SIL1: variants seen among roughly 807,000 people sequenced by gnomAD.
SIL1 encodes the protein SIL1 nucleotide exchange factor.
SIL1 carries 40 observed loss-of-function variants against 49.1 expected under a neutral mutation model. That is an observed-to-expected ratio of 0.81 (90% CI 0.63 to 1.06). SIL1 has a LOEUF of 1.06. Ranked by LOEUF, SIL1 falls within the 50% of genes least tolerant of loss-of-function variation. The pLI, the probability that SIL1 is intolerant of heterozygous loss-of-function variation, is 0.00. For synonymous variants in SIL1, 253 were observed against 250.8 expected, an observed-to-expected ratio of 1.01 and a Z score of -0.08; for missense variants, 500 against 572.6, an observed-to-expected ratio of 0.87 and a Z score of 1.29.
At chr5:139,163,950 C>G (rs1468596641) in intron 1 of SIL1, among the ~76,000 whole-genome samples, 1 of 151,916 alleles carries the variant, frequency 6.6e-6, no homozygotes, top group Non-Finnish European at 1.5e-5. Flanking sequence ...GAAACCCCGT[C>G]TCTACTAAAA....
chr5:138,990,701 T>C (rs1767736972), intron 7 of SIL1, among the ~76,000 whole-genome samples: 1 of 152,210 alleles, frequency 6.6e-6, no homozygotes, highest in African/African-American at 2.4e-5. Flanking sequence ...GTGCTAGGAT[T>C]AGAGGCATGA....
intron 1 of SIL1, among the ~76,000 whole-genome samples, chr5:139,157,768 G>A (rs1751432322): frequency 6.6e-6 from 1 of 152,208 alleles, no homozygotes; most frequent in African/African-American, 2.4e-5. Flanking sequence ...AGAGGAGCCA[G>A]TAGAACCAGT....
chr5:139,041,878 A>C (rs1769056711), intron 5 of SIL1, among the ~76,000 whole-genome samples: 1 of 152,012 alleles, frequency 6.6e-6, no homozygotes, highest in Non-Finnish European at 1.5e-5. Flanking sequence ...GGGAGGGAGA[A>C]CTTAGGTCTC....
rs115827512 is a variant in SIL1, at chr5:139,081,092, C to A, written c.245-30046G>T. On this transcript the variant is annotated intron_variant, in intron 3 of 9. Transcript: ENST00000394817. ...GCAATATGGCGTCAATGTTGATCCA[C>A]GTGATAAATTCCTGTCCTACGACAG... is the stretch of plus-strand genomic sequence containing the variant. Among the ~76,000 whole-genome samples the A allele has an allele frequency of 8.7e-4, 132 of 152,266 alleles. 1 individual carries two copies. The highest frequency in any genetic ancestry group is 3.0e-3 in the African/African-American group (126 of 41,534).
chr5:138,980,053 C>T (rs1767481819), intron 7 of SIL1, among the ~76,000 whole-genome samples: 1 of 152,220 alleles, frequency 6.6e-6, no homozygotes, highest in Non-Finnish European at 1.5e-5. Flanking sequence ...CACACAGCAA[C>T]ACCCCCAAAG....
chr5:139,025,059 A>G (rs1047447877), intron 6 of SIL1, among the ~76,000 whole-genome samples: 23 of 152,222 alleles, frequency 1.5e-4, no homozygotes, highest in Admixed American at 1.5e-3. Flanking sequence ...CATATTACAT[A>G]TAATTACTTC....
chr5:139,129,073 G>A (rs1750810153), intron 1 of SIL1, among the ~76,000 whole-genome samples: 1 of 152,084 alleles, frequency 6.6e-6, no homozygotes, highest in African/African-American at 2.4e-5. Flanking sequence ...CGTAAGCCTG[G>A]GAGGCAAAGG....
chr5:139,095,943 T>C (rs1350540581), intron 3 of SIL1, among the ~76,000 whole-genome samples: 3 of 152,104 alleles, frequency 2.0e-5, no homozygotes, highest in African/African-American at 2.4e-5. Context: ...GGACACCAAT[T>C]TAACAACTAT....
At chr5:139,097,026 T>C (rs543956808) in intron 3 of SIL1, among the ~76,000 whole-genome samples, 1 of 152,114 alleles carries the variant, frequency 6.6e-6, no homozygotes, top group South Asian at 2.1e-4. Flanking sequence ...CCTTGGGCCT[T>C]AAGGGAACAT....
chr5:139,070,714 A>G (rs1422187983), intron 3 of SIL1, among the ~76,000 whole-genome samples: 1 of 152,162 alleles, frequency 6.6e-6, no homozygotes, highest in Non-Finnish European at 1.5e-5. Flanking sequence ...AGCCCATAAA[A>G]TATGCTTTGA....
intron 3 of SIL1, among the ~76,000 whole-genome samples, chr5:139,055,867 T>G (rs1287048062): frequency 1.3e-5 from 2 of 151,754 alleles, no homozygotes; most frequent in East Asian, 3.9e-4. Flanking sequence ...GAGACGGGGT[T>G]TCACTGTGTT....
At chr5:139,134,839 C>T (rs1044841389) in intron 1 of SIL1, among the ~76,000 whole-genome samples, 2 of 152,158 alleles carry the variant, frequency 1.3e-5, no homozygotes, top group Admixed American at 1.3e-4. Context: ...CTTCCACAGA[C>T]ACACATTCAT....
At chr5:139,042,892 C>T (rs961457190) in intron 4 of SIL1, among the ~76,000 whole-genome samples, 173 bp from the exon 5 acceptor site, 1 of 152,096 alleles carries the variant, frequency 6.6e-6, no homozygotes, top group African/African-American at 2.4e-5. Context: ...GTCCCAGCTA[C>T]GTGGGAAGCA....
chr5:139,040,168 C>A (rs1769006671), intron 5 of SIL1, among the ~76,000 whole-genome samples: 1 of 152,140 alleles, frequency 6.6e-6, no homozygotes. Flanking sequence ...ATATCTGTAG[C>A]CAAAAGCTTG....
At chr5:138,964,155 T>C (rs1418464855) in intron 7 of SIL1, among the ~76,000 whole-genome samples, 1 of 152,224 alleles carries the variant, frequency 6.6e-6, no homozygotes, top group African/African-American at 2.4e-5. Flanking sequence ...GACAGAATGA[T>C]GGATGGCTTT....
intron 3 of SIL1, among the ~76,000 whole-genome samples, chr5:139,083,664 T>C (rs1423679847): frequency 2.5e-3 from 61 of 23,936 alleles, no homozygotes; most frequent in African/African-American, 0.011. Context: ...TCTTTTGCTG[T>C]GCAGAAGCTC....
At chr5:139,116,678 A>G (rs1476251308) in intron 3 of SIL1, among the ~76,000 whole-genome samples, 1 of 152,242 alleles carries the variant, frequency 6.6e-6, no homozygotes, top group Non-Finnish European at 1.5e-5. Flanking sequence ...ATTCACAGAC[A>G]CCAAGTTACC....
chr5:138,998,346 T>C (rs1767917053), intron 7 of SIL1, among the ~76,000 whole-genome samples: 1 of 152,126 alleles, frequency 6.6e-6, no homozygotes, highest in African/African-American at 2.4e-5. Context: ...TTTTATATTT[T>C]TTGTAGAGAT....
chr5:139,038,097 T>C (rs1312811764), intron 5 of SIL1, among the ~76,000 whole-genome samples: 1 of 152,156 alleles, frequency 6.6e-6, no homozygotes, highest in East Asian at 1.9e-4. Flanking sequence ...CCTCATGACC[T>C]CACCTAAATC....
Sources: gnomAD v4.1 joint callset for allele counts (sites outside exome capture counted in the v4.1 genomes callset) on GRCh38, gnomAD v4.1.1 for gene constraint, MANE v1.5 for transcripts, NCBI Gene and HGNC (gene_info 2026-07-23, HGNC 2026-07-21) for gene names.